The following PACSIN1 variants were observed in gnomAD, a reference collection of about 807,000 sequenced individuals.
PACSIN1 encodes the protein protein kinase C and casein kinase substrate in neurons protein 1.
In PACSIN1, 15 loss-of-function variants were observed where a neutral mutation model predicts 59.5. That is an observed-to-expected ratio of 0.25 (90% CI 0.17 to 0.39). The LOEUF (loss-of-function observed/expected upper bound fraction) is 0.39. PACSIN1 is among the 10% of genes least tolerant of loss of function. PACSIN1 has a pLI of 1.00. For missense variants in PACSIN1, 420 were observed against 580.2 expected (o/e 0.72, Z 2.84); for synonymous variants, 210 against 220.6 (o/e 0.95, Z 0.42).
intron 1 of PACSIN1, among the ~76,000 whole-genome samples, chr6:34,505,990 T>A (rs1024021363): frequency 6.6e-5 from 10 of 152,162 alleles, no homozygotes; most frequent in Non-Finnish European, 4.4e-5. Flanking sequence ...TTTCTAAAAT[T>A]CTATCAGTTT....
At chr6:34,473,747 C>T (rs1766602963) in intron 1 of PACSIN1, among the ~76,000 whole-genome samples, 1 of 152,132 alleles carries the variant, frequency 6.6e-6, no homozygotes, top group South Asian at 2.1e-4. Flanking sequence ...ATATTATAAG[C>T]ATTTACAGAA....
intron 1 of PACSIN1, among the ~76,000 whole-genome samples, chr6:34,470,077 C>T (rs887098038): frequency 1.3e-5 from 2 of 152,106 alleles, no homozygotes; most frequent in African/African-American, 4.8e-5. Context: ...TCGGGGGCTC[C>T]CCTCCACCCT....
intron 1 of PACSIN1, among the ~76,000 whole-genome samples, chr6:34,499,885 C>T (rs977322379): frequency 2.6e-5 from 4 of 151,912 alleles, no homozygotes; most frequent in African/African-American, 7.3e-5. Context: ...ACCAAAAGCA[C>T]AGGCAACAAA....
intron 1 of PACSIN1, among the ~76,000 whole-genome samples, chr6:34,469,527 G>A (rs990239417): frequency 6.6e-6 from 1 of 152,220 alleles, no homozygotes; most frequent in Admixed American, 6.5e-5. Context: ...GGGATTGGAT[G>A]AAGGGGAAGT....
At chr6:34,510,766 G>C (rs1311408019) in intron 1 of PACSIN1, among the ~76,000 whole-genome samples, 1 of 152,212 alleles carries the variant, frequency 6.6e-6, no homozygotes, top group East Asian at 1.9e-4. Flanking sequence ...AGGTTGGAGT[G>C]CAGTGATGCG....
intron 1 of PACSIN1, among the ~76,000 whole-genome samples, chr6:34,524,862 T>C (rs74836873): frequency 0.051 from 7,741 of 152,246 alleles, 364 homozygotes; most frequent in African/African-American, 0.11. Context: ...TTTGTTCCCA[T>C]GAGGGAATGC....
rs368152903 is a variant in PACSIN1, at chr6:34,500,297, C to T, written c.-63-25946C>T. Among the ~76,000 whole-genome samples the T allele has an allele frequency of 1.2e-3, 185 of 152,060 alleles. 1 individual carries two copies. Among genetic ancestry groups the T allele is most frequent in the Middle Eastern group, 6.8e-3 (2 of 294 alleles). The stretch of plus-strand genomic sequence containing the variant: ...CTCTGGTTTGGGAGGCTGCCTGATT[C>T]GCAAATAAAAATAATAAAATTAAAT... On this transcript the variant is annotated intron_variant, in intron 1 of 9. Coordinates refer to ENST00000244458, the MANE Select transcript of PACSIN1 (RefSeq NM_020804.5).
Position 34,527,315 on chromosome 6 carries a change from C to A in PACSIN1, c.64-17C>A, listed in dbSNP as rs1343090271. On this transcript the variant is annotated splice_polypyrimidine_tract_variant and intron_variant, in intron 2 of 9. Transcript: ENST00000244458. Reference sequence around the variant, plus strand: ...GCTGGGAACCCGCGGGAGTGGTGCTCGCTGCTTGGCCGCCAGGTGGGGAAC... The same window carrying A: ...GCTGGGAACCCGCGGGAGTGGTGCTAGCTGCTTGGCCGCCAGGTGGGGAAC... 1 of 1,536,520 alleles carries A rather than the reference C, an allele frequency of 6.5e-7. No individual in the cohort carries two copies. The highest frequency in any genetic ancestry group is 1.4e-5 in the African/African-American group (1 of 71,980).
intron 1 of PACSIN1, among the ~76,000 whole-genome samples, chr6:34,494,167 C>G (rs1157601054): frequency 6.6e-6 from 1 of 152,220 alleles, no homozygotes; most frequent in Non-Finnish European, 1.5e-5. Flanking sequence ...GCCTATCTTA[C>G]CCTCCCCTTC....
intron 1 of PACSIN1, among the ~76,000 whole-genome samples, chr6:34,468,731 C>G (rs1212686920): frequency 6.6e-6 from 1 of 152,214 alleles, no homozygotes; most frequent in African/African-American, 2.4e-5. Context: ...GCTGGGAACC[C>G]CACCCATGAT....
chr6:34,492,034 C>T (rs78054637), intron 1 of PACSIN1, among the ~76,000 whole-genome samples: 2 of 151,918 alleles, frequency 1.3e-5, no homozygotes, highest in African/African-American at 4.8e-5. Context: ...GGGTATATAC[C>T]CCAGTAATGG....
rs576906801 is a variant in PACSIN1 at position 34,533,258 on chromosome 6, C to T, written c.*728C>T. ...GTGCCAGCCCTCCCAGCCCCAGGCC[C>T]ATCTGAGGGACCAAGACGCTGTTAC... On this transcript the variant is annotated 3_prime_UTR_variant, in exon 10 of 10. Transcript: ENST00000244458. The T allele has an allele frequency of 5.9e-5, 9 of 152,384 alleles. No homozygotes were observed. In the East Asian group the frequency reaches 7.7e-4, roughly 13 times the overall value. The allele number at this position is 152,384 out of a possible 1,614,324, so 9.4% of individuals were successfully genotyped here. A position where few individuals can be genotyped will look rare whatever the true frequency, so the allele number is the denominator to read the frequency against.
In PACSIN1 at chr6:34,518,401, A is replaced by G. The variant is rs1389348683; in HGVS notation, c.-63-7842A>G. On this transcript the variant is annotated intron_variant, in intron 1 of 9. Transcript: ENST00000244458. This position sits in a 1 kb window ranked among gnomAD's most constrained non-coding sequence, Gnocchi z 4.4. ...GTGTGCTGACTGGTGTTGAGAAAAG[A>G]GATGCCCCAGAGCAGACAGGAGGGG... Among the ~76,000 whole-genome samples, 3 of 152,204 alleles carry G rather than the reference A, an allele frequency of 2.0e-5. No homozygotes were observed. Among genetic ancestry groups the G allele is most frequent in the Admixed American group, 2.0e-4 (3 of 15,286 alleles).
intron 1 of PACSIN1, among the ~76,000 whole-genome samples, chr6:34,476,380 T>A (rs544431762): frequency 3.9e-5 from 6 of 152,308 alleles, no homozygotes; most frequent in Admixed American, 1.3e-4. Context: ...GGGCTGAATT[T>A]GGCTCTCCTG....
chr6:34,471,621 G>A (rs1385477679), intron 1 of PACSIN1, among the ~76,000 whole-genome samples: 1 of 152,192 alleles, frequency 6.6e-6, no homozygotes, highest in African/African-American at 2.4e-5. Context: ...TCCTAAGAAA[G>A]CTCTCATTTG....
Position 34,534,072 on chromosome 6 carries a change from T to TGCCCTCCTCCCTCCTGCACAC in PACSIN1, c.*1543_*1563dup, listed in dbSNP as rs1767651422. On this transcript the variant is annotated 3_prime_UTR_variant, in exon 10 of 10. Transcript: ENST00000244458. ...CACTTCTAGGCCTCTGGACCGCAGA[T>TGCCCTCCTCCCTCCTGCACAC]GCCCTCCTCCCTCCTGCACACCTGG... The TGCCCTCCTCCCTCCTGCACAC allele has an allele frequency of 6.6e-6, 1 of 152,662 alleles. No homozygotes were observed. The highest frequency in any genetic ancestry group is 6.5e-5 in the Admixed American group (1 of 15,270). 9.5% of individuals were successfully genotyped at this position (152,662 alleles called of 1,614,324 possible).
At chr6:34,466,976 G>A (rs1427944043) in intron 1 of PACSIN1, among the ~76,000 whole-genome samples, 1 of 152,106 alleles carries the variant, frequency 6.6e-6, no homozygotes, top group Non-Finnish European at 1.5e-5. Flanking sequence ...TGGCAAACCC[G>A]GGAGCTTGGC....
rs961078407 is a variant in PACSIN1, at chr6:34,494,258, G to A, written c.-64+27988G>A. Among the ~76,000 whole-genome samples the A allele has an allele frequency of 3.9e-5, 6 of 152,064 alleles. No homozygotes were observed. The East Asian group carries it at 1.2e-3, about 29-fold the overall frequency. The stretch of plus-strand genomic sequence containing the variant: ...TCCCCAGTGCCCATCCCCATTCTTT[G>A]TTTCATGGTATGCCCCTACCTCTTG... On this transcript the variant is annotated intron_variant, in intron 1 of 9. Transcript: ENST00000244458.
At chr6:34,503,385 G>A (rs1385710702) in intron 1 of PACSIN1, among the ~76,000 whole-genome samples, 3 of 152,218 alleles carry the variant, frequency 2.0e-5, no homozygotes, top group Non-Finnish European at 4.4e-5. Context: ...TGTGAGATGA[G>A]TAAAGACTCC....
Sources: allele counts gnomAD v4.1 joint callset (sites outside exome capture counted in the v4.1 genomes callset), GRCh38; gene constraint gnomAD v4.1.1; non-coding constraint Gnocchi (gnomAD v3.1); transcripts MANE v1.5; gene names NCBI Gene and HGNC (gene_info 2026-07-23, HGNC 2026-07-21).